Variants in ASIC5 observed in about 807,000 individuals in gnomAD.
ASIC5 encodes acid sensing ion channel subunit family member 5.
In ASIC5, 52 loss-of-function variants were observed where a neutral mutation model predicts 51.2. The ratio of observed to expected loss-of-function variants is 1.02; its 90% CI spans 0.81 to 1.28. The LOEUF (loss-of-function observed/expected upper bound fraction) is 1.28, where lower values mean the gene tolerates loss of function less well. Among genes scored for constraint, ASIC5 ranks in the 50% most tolerant of loss-of-function variants. The probability of loss-of-function intolerance (pLI) is 0.00; values close to 1 mark genes in which losing one functional copy is unlikely to be tolerated. For synonymous variants in ASIC5, 231 were observed against 200.7 expected (o/e 1.15, Z -1.28); for missense variants, 635 against 595.0 (o/e 1.07, Z -0.70).
chr4:155,846,527 C>T (rs28770521), intron 4 of ASIC5, among the ~76,000 whole-genome samples: 9,498 of 152,104 alleles, frequency 0.062, 995 homozygotes, highest in African/African-American at 0.22. Context: ...TGTTTCAAAC[C>T]TAAACTATAA....
intron 7 of ASIC5, 111 bp from the exon 8 acceptor site, chr4:155,836,968 C>T (rs1740996951): frequency 3.9e-6 from 3 of 773,974 alleles, no homozygotes; most frequent in East Asian, 2.7e-5. Flanking sequence ...AAGGTGGTTA[C>T]CAACAACAAA....
At chr4:155,864,527 C>G (rs1490991337) in intron 1 of ASIC5, 1 of 151,808 alleles carries the variant, frequency 6.6e-6, no homozygotes, top group East Asian at 1.9e-4. Context: ...GCAATGAATC[C>G]CTTTGTGGAG....
At chr4:155,841,516 A>T (rs1046398621) in intron 6 of ASIC5, among the ~76,000 whole-genome samples, 2 of 152,096 alleles carry the variant, frequency 1.3e-5, no homozygotes, top group African/African-American at 4.8e-5. Context: ...TCCAGCTCTT[A>T]TTCACCCTGC....
At chr4:155,852,662 C>A (rs1303125395) in intron 3 of ASIC5, among the ~76,000 whole-genome samples, 2 of 151,756 alleles carry the variant, frequency 1.3e-5, no homozygotes, top group African/African-American at 2.4e-5. Flanking sequence ...AGGAGCTATG[C>A]CTAATGTAAC....
At chr4:155,838,390 T>C (rs1409971934) in intron 7 of ASIC5, among the ~76,000 whole-genome samples, 1 of 151,960 alleles carries the variant, frequency 6.6e-6, no homozygotes, top group Admixed American at 6.6e-5. Flanking sequence ...TATGAAAAAA[T>C]TTTATATGCC....
intron 2 of ASIC5, among the ~76,000 whole-genome samples, chr4:155,861,060 C>T (rs942146427): frequency 2.0e-5 from 3 of 151,780 alleles, no homozygotes; most frequent in South Asian, 2.1e-4. Context: ...TTGTGAATAT[C>T]CCAAATTAAT....
rs757982959 is a variant in ASIC5 at position 155,863,715 on chromosome 4, G to T, written c.80C>A (p.Pro27Gln). 1.9e-6 allele frequency: 3 copies of T among 1,613,624 alleles called. No individual in the cohort carries two copies. The highest frequency in any genetic ancestry group is 2.2e-5 in the East Asian group (1 of 44,858). The part of the protein sequence containing the change: ...EKIKLCLSKK[P>Q]LPSPTERKKF... ...CTTTCGCTCAGTGGGAGATGGCAGT[G>T]GTTTCTTTGAAAGGCAAAGCTTTAT... Residue 27 changes from proline to glutamine, a missense_variant, in exon 2 of 10, where the codon CCA (proline) becomes CAA (glutamine). Physicochemically the swap from Pro to Gln is moderately conservative, Grantham distance 76. Transcript: ENST00000537611.
At chr4:155,843,086 C>A (rs1056169826) in intron 5 of ASIC5, among the ~76,000 whole-genome samples, 7 of 152,124 alleles carry the variant, frequency 4.6e-5, no homozygotes, top group Admixed American at 3.9e-4. Flanking sequence ...CTGGGACAAG[C>A]AGTCCAGTTT....
chr4:155,848,551 G>A (rs1431688282), intron 4 of ASIC5, among the ~76,000 whole-genome samples: 2 of 152,042 alleles, frequency 1.3e-5, no homozygotes, highest in East Asian at 3.9e-4. Context: ...TAAAATTATT[G>A]TGTACCACTG....
chr4:155,866,229 G>A lies in ASIC5; in HGVS notation c.-3C>T. 3 of 1,607,350 alleles carry A rather than the reference G, an allele frequency of 1.9e-6. No homozygotes were observed. Among genetic ancestry groups the A allele is most frequent in the Non-Finnish European group, 2.6e-6 (3 of 1,175,054 alleles). ...TTTGATTTTTCTGTCTGCTCCATTT[G>A]TGATTTCAGTTAAGCAAGAGTCCTC... On this transcript the variant is annotated 5_prime_UTR_variant, in exon 1 of 10. Coordinates refer to ENST00000537611, the MANE Select transcript of ASIC5 (RefSeq NM_017419.3).
At chr4:155,854,627 C>T (rs538280212) in intron 2 of ASIC5, 1 of 328,782 alleles carries the variant, frequency 3.0e-6, no homozygotes, top group East Asian at 6.3e-5. Flanking sequence ...CATTTAGGAG[C>T]CAGATTTCCT....
At chr4:155,859,844 A>G (rs920553384) in intron 2 of ASIC5, among the ~76,000 whole-genome samples, 4 of 152,044 alleles carry the variant, frequency 2.6e-5, no homozygotes, top group African/African-American at 9.7e-5. Flanking sequence ...CTGGTGTGTA[A>G]CAACCTCAGG....
At chr4:155,845,221 G>A (rs866173480) in intron 4 of ASIC5, among the ~76,000 whole-genome samples, 1 of 152,072 alleles carries the variant, frequency 6.6e-6, no homozygotes, top group South Asian at 2.1e-4. Flanking sequence ...ATGGTAATGA[G>A]GTCTAAAAAG....
chr4:155,843,764 G>C lies in ASIC5; in HGVS notation c.778C>G (p.Pro260Ala). The change falls in exon 5 of 10, where the codon CCA (proline) becomes GCA (alanine). Residue 260 changes from proline to alanine, a missense_variant. Pro to Ala is a conservative substitution (Grantham distance 27). Transcript: ENST00000537611. The part of the protein sequence containing the change: ...DAGIIFVIHS[P>A]KKVPQFDGLG... ...CCATCAAACTGTGGCACCTTCTTTG[G>C]TGAATGGATAACAAAGATGATCCCA... The C allele has an allele frequency of 6.2e-7, 1 of 1,613,598 alleles. No individual in the cohort carries two copies. Among genetic ancestry groups the C allele is most frequent in the Non-Finnish European group, 8.5e-7 (1 of 1,179,692 alleles).
chr4:155,834,316 C>T (rs1560739762), intron 8 of ASIC5, among the ~76,000 whole-genome samples: 1 of 152,118 alleles, frequency 6.6e-6, no homozygotes. Flanking sequence ...AGTTAGGGGT[C>T]GCTTCTTTTA....
At chr4:155,859,451 A>G (rs11100014) in intron 2 of ASIC5, among the ~76,000 whole-genome samples, 138,054 of 151,844 alleles carry the variant, frequency 0.91, 63,508 homozygotes, top group Non-Finnish European at 0.98. Context: ...TCCTGGTACC[A>G]ATTGTGAAAA....
chr4:155,836,926 A>T, intron 7 of ASIC5, 69 bp from the exon 8 acceptor site: 2 of 1,187,150 alleles, frequency 1.7e-6, no homozygotes, highest in Non-Finnish European at 2.4e-6. Context: ...ATAGTTTTAT[A>T]AAGTTTATCA....
chr4:155,839,348 TACACACACACAC>T (rs60209135), intron 6 of ASIC5, among the ~76,000 whole-genome samples: 35 of 147,424 alleles, frequency 2.4e-4, no homozygotes, highest in South Asian at 6.5e-4. Context: ...TCTATCCATT[TACACACACACAC>T]ACACACACAC....
intron 1 of ASIC5, 134 bp from the exon 2 acceptor site, chr4:155,863,888 T>C (rs1302360559): frequency 5.4e-6 from 4 of 747,182 alleles, no homozygotes; most frequent in East Asian, 5.4e-5. Flanking sequence ...AAACTAAAAA[T>C]TCATCTTTTG....
Sources: allele counts gnomAD v4.1 joint callset (sites outside exome capture counted in the v4.1 genomes callset), GRCh38; gene constraint gnomAD v4.1.1; transcripts MANE v1.5; gene names NCBI Gene and HGNC (gene_info 2026-07-23, HGNC 2026-07-21).